Variants in SDS observed in about 807,000 individuals in gnomAD.
The protein encoded by SDS is serine dehydratase, also known as L-serine dehydratase/L-threonine deaminase.
In SDS, 19 loss-of-function variants were observed where a neutral mutation model predicts 29.3. The observed-to-expected ratio is 0.65, with a 90% CI of 0.45 to 0.95. The LOEUF (loss-of-function observed/expected upper bound fraction) is 0.95, where lower values mean the gene tolerates loss of function less well. Ranked by LOEUF, SDS falls within the 40% of genes least tolerant of loss-of-function variation. SDS has a pLI of 0.00. For missense variants in SDS, 375 were observed against 439.9 expected, an observed-to-expected ratio of 0.85 and a Z score of 1.32; for synonymous variants, 176 against 189.0, an observed-to-expected ratio of 0.93 and a Z score of 0.56.
intron 6 of SDS, chr12:113,396,544 C>CCCTTCCGTCCTT (rs1957647098): frequency 3.9e-5 from 1 of 25,776 alleles, no homozygotes; most frequent in Non-Finnish European, 6.6e-5. Flanking sequence ...CTCCCTCTCT[C>CCCTTCCGTCCTT]CCTTCCTTCC....
chr12:113,401,773 G>A (rs1011551592), intron 1 of SDS, among the ~76,000 whole-genome samples: 10 of 152,194 alleles, frequency 6.6e-5, no homozygotes, highest in African/African-American at 2.2e-4. Flanking sequence ...CCACAGCCAC[G>A]TCCACCCACC....
intron 1 of SDS, among the ~76,000 whole-genome samples, chr12:113,402,099 C>T (rs1402623770): frequency 3.3e-5 from 5 of 152,124 alleles, no homozygotes; most frequent in African/African-American, 1.2e-4. Flanking sequence ...CTTAGCATCC[C>T]CTAAATAGGT....
chr12:113,393,043 C>T lies in SDS; in HGVS notation c.885G>A (p.Leu295=). Reference sequence around the variant, plus strand: ...CGCAGACGATGACCACGAGGGATGGCAGCGGGGTTCGGAGATTCCCCTCCA... The same window carrying T: ...CGCAGACGATGACCACGAGGGATGGTAGCGGGGTTCGGAGATTCCCCTCCA... ...LQLEGNLRTP[L]PSLVVIVCGG... Residue 295 remains leucine (L), a synonymous_variant, in exon 8 of 8, where the codon CTG becomes CTA. Coordinates refer to ENST00000257549, the MANE Select transcript of SDS (RefSeq NM_006843.3). 3 of 1,614,256 alleles carry T rather than the reference C, an allele frequency of 1.9e-6. No individual in the cohort carries two copies. Among genetic ancestry groups the T allele is most frequent in the Non-Finnish European group, 1.7e-6 (2 of 1,180,050 alleles).
At chr12:113,398,384 A>G (rs1593298337) in intron 5 of SDS, 131 bp downstream of exon 5, 1 of 640,356 alleles carries the variant, frequency 1.6e-6, no homozygotes, top group Admixed American at 3.0e-5. Context: ...GTGTGCTTCT[A>G]CATGGTGGTG....
chr12:113,394,350 T>C (rs1439061615), intron 6 of SDS, among the ~76,000 whole-genome samples: 1 of 151,084 alleles, frequency 6.6e-6, no homozygotes, highest in Non-Finnish European at 1.5e-5. Context: ...TTTGTTTTTT[T>C]TTTTTTTTAG....
chr12:113,402,646 G>C (rs956342568), intron 1 of SDS, among the ~76,000 whole-genome samples: 29 of 152,306 alleles, frequency 1.9e-4, no homozygotes, highest in African/African-American at 6.7e-4. Context: ...AGGGACAATC[G>C]GGGTGGGAGT....
chr12:113,393,370 G>A (rs559428672), intron 7 of SDS, among the ~76,000 whole-genome samples: 6 of 152,284 alleles, frequency 3.9e-5, no homozygotes, highest in Non-Finnish European at 8.8e-5. Context: ...CTGATAGAAT[G>A]AGTGTGGTTG....
intron 3 of SDS, 76 bp downstream of exon 3, chr12:113,399,033 GAAA>G: frequency 6.3e-7 from 1 of 1,591,124 alleles, no homozygotes; most frequent in South Asian, 1.1e-5. Flanking sequence ...CATTGCTGGG[GAAA>G]CCAGGGCTCA....
At chr12:113,399,399 TCAAA>T in intron 2 of SDS, 153 bp downstream of exon 2, 1 of 1,004,468 alleles carries the variant, frequency 1.0e-6, no homozygotes, top group South Asian at 1.7e-5. Context: ...AGGGCACCCC[TCAAA>T]CAGAGGAAGC....
intron 5 of SDS, among the ~76,000 whole-genome samples, chr12:113,397,963 G>A (rs1415254760): frequency 1.3e-5 from 2 of 152,002 alleles, no homozygotes; most frequent in Admixed American, 6.6e-5. Flanking sequence ...GTGCTTGCAT[G>A]TTCAGCCTTG....
rs149034412 is a variant in SDS, at chr12:113,397,494, A to G, written c.426-102T>C. 617 of 959,360 alleles carry G rather than the reference A, an allele frequency of 6.4e-4. 6 individuals are homozygous for G. The East Asian group carries it at 0.01, about 16-fold the overall frequency. The allele number at this position is 959,360 out of a possible 1,614,324, so 59.4% of individuals were successfully genotyped here. On this transcript the variant is annotated intron_variant, in intron 5 of 7. Transcript: ENST00000257549. ...ATCCCAGCTGATGGGGCCTGGAGCT[A>G]GTTCCCTCCCCACCCCCAACCTTGG...
At chr12:113,397,140 C>A (rs918771441) in intron 6 of SDS, 25 bp downstream of exon 6, 4 of 1,606,056 alleles carry the variant, frequency 2.5e-6, no homozygotes, top group Admixed American at 1.7e-5. Context: ...GCTGGACACC[C>A]GAGGGAGGCA....
Position 113,393,895 on chromosome 12 carries a change from C to T in SDS, c.775G>A (p.Val259Met). 2 of 1,614,196 alleles carry T rather than the reference C, an allele frequency of 1.2e-6. No individual in the cohort carries two copies. The highest frequency in any genetic ancestry group is 2.2e-5 in the South Asian group (2 of 91,084). ...QEAVAAIEKF[V>M]DDEKILVEPA... Reference sequence around the variant, plus strand: ...CATGGGAGGACCTGGCACATACCCACGAACTTCTCAATGGCGGCCACAGCC... The same window carrying T: ...CATGGGAGGACCTGGCACATACCCATGAACTTCTCAATGGCGGCCACAGCC... Residue 259 changes from valine (V) to methionine (M), a missense_variant, in exon 7 of 8, where the codon GTG becomes ATG. Transcript: ENST00000257549.
chr12:113,399,447 C>T, intron 2 of SDS, 109 bp downstream of exon 2: 3 of 1,284,678 alleles, frequency 2.3e-6, no homozygotes, highest in Non-Finnish European at 3.1e-6. Context: ...TGCGGGGAGT[C>T]AGTAGGCTTA....
Position 113,394,886 on chromosome 12 carries a change from A to C in SDS, c.654-870T>G, listed in dbSNP as rs575547768. 2.0e-5 allele frequency among the ~76,000 whole-genome samples: 3 copies of C among 152,278 alleles called. No homozygotes were observed. In the East Asian group the frequency reaches 5.8e-4, roughly 29 times the overall value. On this transcript the variant is annotated intron_variant, in intron 6 of 7. Transcript: ENST00000257549. Reference sequence around the variant, plus strand: ...AGGATTAAGGCCACCTCCTCCAAGGAGTCCTCCTGGGAGAGTACTGAGTCC... The same window carrying C: ...AGGATTAAGGCCACCTCCTCCAAGGCGTCCTCCTGGGAGAGTACTGAGTCC...
At chr12:113,402,160 T>G (rs1275214749) in intron 1 of SDS, among the ~76,000 whole-genome samples, 1 of 152,166 alleles carries the variant, frequency 6.6e-6, no homozygotes, top group Non-Finnish European at 1.5e-5. Flanking sequence ...GGAGGGGAAC[T>G]TGAACAGACA....
intron 6 of SDS, among the ~76,000 whole-genome samples, chr12:113,396,231 C>T (rs986785288): frequency 6.6e-6 from 1 of 152,300 alleles, no homozygotes; most frequent in Admixed American, 6.5e-5. Flanking sequence ...AATAGGGGCT[C>T]AGTAAATGGT....
At position 113,393,150 on chromosome 12, in the gene SDS, C is replaced by T. The variant is rs759615861; in HGVS notation, c.779-1G>A. 5.0e-6 allele frequency: 8 copies of T among 1,613,524 alleles called. No individual in the cohort carries two copies. The highest frequency in any genetic ancestry group is 6.8e-6 in the Non-Finnish European group (8 of 1,179,910). On this transcript the variant is annotated splice_acceptor_variant, in intron 7 of 7. Coordinates refer to ENST00000257549, the MANE Select transcript of SDS (RefSeq NM_006843.3). LOFTEE classifies it high-confidence loss of function. ...GGCTCCACCAGGATCTTCTCATCAT[C>T]TGCCAGAGAAGGGGCGTGACAGGGG...
chr12:113,400,256 C>T (rs1957676270), intron 1 of SDS, among the ~76,000 whole-genome samples: 3 of 151,256 alleles, frequency 2.0e-5, no homozygotes, highest in Admixed American at 2.0e-4. Context: ...CGCGCCATTG[C>T]ACTCCTGCCT....
Sources: gnomAD v4.1 joint callset for allele counts (sites outside exome capture counted in the v4.1 genomes callset) on GRCh38, gnomAD v4.1.1 for gene constraint, MANE v1.5 for transcripts, NCBI Gene and HGNC (gene_info 2026-07-23, HGNC 2026-07-21) for gene names.